LARP1B: variants seen among roughly 807,000 people sequenced by gnomAD.
The protein encoded by LARP1B is La ribonucleoprotein 1B.
A neutral mutation model predicts 114.2 loss-of-function variants in LARP1B; 76 were observed. That is an observed-to-expected ratio of 0.67 (90% CI 0.55 to 0.81). LARP1B has a LOEUF of 0.81. LARP1B is among the 30% of genes least tolerant of loss of function. The pLI is 0.00. For missense variants in LARP1B, 1,014 were observed against 1,075.8 expected, an observed-to-expected ratio of 0.94 and a Z score of 0.80; for synonymous variants, 345 against 348.0, an observed-to-expected ratio of 0.99 and a Z score of 0.10.
At chr4:128,081,581 G>A (rs1315237764) in intron 4 of LARP1B, among the ~76,000 whole-genome samples, 4 of 152,156 alleles carry the variant, frequency 2.6e-5, no homozygotes, top group East Asian at 1.9e-4. Context: ...GCTGGGCGTC[G>A]AGCTTGAACG....
At chr4:128,198,611 A>G (rs973819953) in intron 15 of LARP1B, among the ~76,000 whole-genome samples, 13 of 152,242 alleles carry the variant, frequency 8.5e-5, no homozygotes, top group Non-Finnish European at 1.5e-5. Context: ...GTCAACATAG[A>G]GGCAAGGGCC....
intron 11 of LARP1B, among the ~76,000 whole-genome samples, chr4:128,139,434 AGT>A (rs1726915627): frequency 6.6e-6 from 1 of 152,162 alleles, no homozygotes; most frequent in African/African-American, 2.4e-5. Context: ...TCAGTGCTGT[AGT>A]GTGTGATGAT....
At chr4:128,108,947 G>A in intron 9 of LARP1B, 1 of 456,576 alleles carries the variant, frequency 2.2e-6, no homozygotes, top group Non-Finnish European at 2.9e-6. Context: ...TCAGATGCAT[G>A]CACATACATA....
chr4:128,081,116 T>C (rs1351626570), intron 4 of LARP1B, among the ~76,000 whole-genome samples: 1 of 149,506 alleles, frequency 6.7e-6, no homozygotes, highest in Non-Finnish European at 1.5e-5. Flanking sequence ...CTCGTCTCTG[T>C]CACCCAGGCT....
At chr4:128,091,550 A>C (rs1775911713) in intron 7 of LARP1B, 38 bp downstream of exon 7, 3 of 1,492,336 alleles carry the variant, frequency 2.0e-6, no homozygotes, top group African/African-American at 2.8e-5. Context: ...GGGATAGCAA[A>C]ATCTGTTGCA....
intron 14 of LARP1B, 93 bp from the exon 15 acceptor site, chr4:128,179,313 T>C: frequency 1.4e-6 from 1 of 704,430 alleles, no homozygotes; most frequent in African/African-American, 1.8e-5. Context: ...AGTATGAAAA[T>C]GTTTGAGTTC....
chr4:128,107,223 C>T lies in LARP1B; in HGVS notation c.898C>T (p.Pro300Ser), dbSNP rs1561240996. Residue 300 changes from proline (P) to serine (S), a missense_variant, in exon 9 of 20, where the codon CCT becomes TCT. Coordinates refer to ENST00000326639, the MANE Select transcript of LARP1B (RefSeq NM_018078.4). The stretch of plus-strand genomic sequence containing the variant: ...ACCAGAAAAATGGCCAATTCCAGGC[C>T]CTCCTCCACGCAGTGTGCCACCAAC... Reference protein sequence around the residue: ...IEPEKWPIPGPPPRSVPPTDF... With the variant: ...IEPEKWPIPGSPPRSVPPTDF... 3.7e-6 allele frequency: 6 copies of T among 1,613,808 alleles called. No homozygotes were observed. Among genetic ancestry groups the T allele is most frequent in the Non-Finnish European group, 4.2e-6 (5 of 1,179,920 alleles).
intron 12 of LARP1B, among the ~76,000 whole-genome samples, chr4:128,164,636 C>T (rs141585695): frequency 1.9e-4 from 29 of 152,190 alleles, no homozygotes; most frequent in African/African-American, 2.6e-4. Flanking sequence ...CATAGCAATA[C>T]GCCATATTAT....
rs563593470 is a variant in LARP1B at position 128,103,708 on chromosome 4, G to A, written c.814-3431G>A. On this transcript the variant is annotated intron_variant, in intron 8 of 19. Coordinates refer to ENST00000326639, the MANE Select transcript of LARP1B (RefSeq NM_018078.4). ...CTCCTGAGTAGCTGGGATTACAAGC[G>A]CCTGCCACCACGCCTGGCTAATTTT... is the stretch of plus-strand genomic sequence containing the variant. 1.1e-3 allele frequency among the ~76,000 whole-genome samples: 161 copies of A among 151,824 alleles called. 1 individual carries two copies. In the South Asian group the frequency reaches 0.011, roughly 11 times the overall value.
intron 11 of LARP1B, among the ~76,000 whole-genome samples, chr4:128,148,436 CAA>C (rs888280214): frequency 2.4e-5 from 3 of 124,326 alleles, no homozygotes; most frequent in African/African-American, 2.9e-5. Context: ...AACTCTGTCT[CAA>C]AAAAAAAAAA....
At chr4:128,122,334 A>G in intron 11 of LARP1B, 146 bp downstream of exon 11, 1 of 1,468,740 alleles carries the variant, frequency 6.8e-7, no homozygotes, top group Non-Finnish European at 9.0e-7. Context: ...CTGGAAATAT[A>G]CCTGATAATT....
chr4:128,098,027 A>T (rs1320262238), intron 7 of LARP1B, among the ~76,000 whole-genome samples, 159 bp from the exon 8 acceptor site: 1 of 152,134 alleles, frequency 6.6e-6, no homozygotes, highest in East Asian at 1.9e-4. Flanking sequence ...TTGCTATCTT[A>T]TATGTTTACC....
intron 17 of LARP1B, among the ~76,000 whole-genome samples, chr4:128,202,846 C>T (rs1382211613): frequency 3.9e-5 from 6 of 152,170 alleles, no homozygotes; most frequent in Non-Finnish European, 8.8e-5. Context: ...TGAGTTGCAG[C>T]CATTAATTTA....
intron 1 of LARP1B, chr4:128,069,294 GCCC>G: frequency 1.2e-6 from 1 of 864,028 alleles, no homozygotes; most frequent in South Asian, 1.3e-5. Context: ...GACTTTTAGA[GCCC>G]CACAGTGGCA....
intron 11 of LARP1B, among the ~76,000 whole-genome samples, chr4:128,161,066 A>G (rs992085517): frequency 6.6e-6 from 1 of 152,172 alleles, no homozygotes; most frequent in Non-Finnish European, 1.5e-5. Context: ...TCATGTACCC[A>G]TTAGTACCAT....
intron 16 of LARP1B, among the ~76,000 whole-genome samples, chr4:128,200,027 A>G (rs949398039): frequency 6.6e-6 from 1 of 152,240 alleles, no homozygotes; most frequent in Non-Finnish European, 1.5e-5. Flanking sequence ...CAGAGGTTGC[A>G]GTGAGCCAAA....
chr4:128,097,549 C>T (rs1778530747), intron 7 of LARP1B, among the ~76,000 whole-genome samples: 1 of 151,990 alleles, frequency 6.6e-6, no homozygotes, highest in Non-Finnish European at 1.5e-5. Context: ...TCAGGGGATC[C>T]ACCCATCTCA....
In LARP1B at chr4:128,091,113, G is replaced by A. The variant is rs1775754908; in HGVS notation, c.471G>A (p.Arg157=). Residue 157 remains arginine, a synonymous_variant, in exon 6 of 20, where the codon CGG becomes CGA. Transcript: ENST00000326639. ...GAGGTCGAGGAAGAGGCCGAGGACGGGGAAGAGGACGAGGCAGAGGAAATC... is the reference window on the plus strand; with the variant it reads ...GAGGTCGAGGAAGAGGCCGAGGACGAGGAAGAGGACGAGGCAGAGGAAATC... ...SFRGRGRGRG[R]GRGRGRGNPR... is the part of the protein sequence containing the mutation. The A allele has an allele frequency of 1.2e-6, 2 of 1,613,772 alleles. No individual in the cohort carries two copies. Among genetic ancestry groups the A allele is most frequent in the Non-Finnish European group, 1.7e-6 (2 of 1,179,836 alleles).
intron 10 of LARP1B, 67 bp downstream of exon 10, chr4:128,114,809 T>A: frequency 1.4e-6 from 2 of 1,428,008 alleles, no homozygotes; most frequent in Non-Finnish European, 1.9e-6. Context: ...GTGCACTTTA[T>A]GTTTGTTAGG....
Sources: allele counts gnomAD v4.1 joint callset (sites outside exome capture counted in the v4.1 genomes callset), GRCh38; gene constraint gnomAD v4.1.1; transcripts MANE v1.5; gene names NCBI Gene and HGNC (gene_info 2026-07-23, HGNC 2026-07-21).